The following SLC2A11 variants were observed in gnomAD, a reference collection of about 807,000 sequenced individuals.
The protein encoded by SLC2A11 is solute carrier family 2, facilitated glucose transporter member 11.
Under a neutral mutation model 52.1 loss-of-function variants are expected in SLC2A11, and 43 were observed. The observed-to-expected ratio is 0.82, with a 90% confidence interval of 0.65 to 1.06. The LOEUF (loss-of-function observed/expected upper bound fraction) is 1.06, where lower values mean the gene tolerates loss of function less well. Among genes scored for constraint, SLC2A11 ranks in the 50% least tolerant of loss-of-function variants. SLC2A11 has a pLI of 0.00. For missense variants in SLC2A11, 582 were observed against 654.2 expected (o/e 0.89, Z 1.20); for synonymous variants, 261 against 277.6 (o/e 0.94, Z 0.59).
intron 2 of SLC2A11, chr22:23,867,126 C>G (rs770792655): frequency 6.6e-6 from 1 of 152,268 alleles, no homozygotes; most frequent in Non-Finnish European, 1.5e-5. Flanking sequence ...GTGGATTCCT[C>G]GGGTATGGTA....
At chr22:23,860,733 T>TC (rs71184921) in intron 1 of SLC2A11, among the ~76,000 whole-genome samples, 112 of 124,542 alleles carry the variant, frequency 9.0e-4, no homozygotes, top group East Asian at 1.3e-3. Context: ...ACTCCGTCTC[T>TC]TTTTTTTTTT....
chr22:23,867,718 A>G (rs755019094), intron 2 of SLC2A11: 18 of 470,544 alleles, frequency 3.8e-5, no homozygotes, highest in Non-Finnish European at 6.6e-5. Flanking sequence ...GGTCTATAAA[A>G]ACTCTTGAAT....
intron 3 of SLC2A11, 192 bp downstream of exon 3, chr22:23,868,833 C>G (rs962170186): frequency 3.2e-6 from 2 of 616,260 alleles, no homozygotes; most frequent in African/African-American, 3.7e-5. Flanking sequence ...GCAAACAGTC[C>G]TGTGCTACAA....
In SLC2A11 at chr22:23,884,543, A is replaced by C. The variant is rs997925520; in HGVS notation, c.1300-106A>C. The C allele has an allele frequency of 3.2e-6, 5 of 1,548,266 alleles. No homozygotes were observed. Among genetic ancestry groups the C allele is most frequent in the Non-Finnish European group, 4.4e-6 (5 of 1,145,674 alleles). ...ACTGAGACTGAAAGGGAGGGGTCTT[A>C]GGGGAGCAAAGAGGGGGGCAAATGC... On this transcript the variant is annotated intron_variant, in intron 11 of 11. Coordinates refer to ENST00000316185, the MANE Select transcript of SLC2A11 (RefSeq NM_001024939.4). The surrounding 1 kb of genome is among the most constrained non-coding windows in gnomAD (Gnocchi z 4.3).
rs575695725 is a variant in SLC2A11 at position 23,878,529 on chromosome 22, C to T, written c.694+660C>T. ...AAGAAAGCAAATCCAGTTGCATAAG[C>T]GCTTTCCAAACCTTTGGTTCCCTCG... On this transcript the variant is annotated intron_variant, in intron 6 of 11. Coordinates refer to ENST00000316185, the MANE Select transcript of SLC2A11 (RefSeq NM_001024939.4). 4.6e-5 allele frequency among the ~76,000 whole-genome samples: 7 copies of T among 152,304 alleles called. No individual in the cohort carries two copies. The East Asian group carries it at 7.7e-4, about 17-fold the overall frequency.
chr22:23,876,481 C>T (rs1217228560), intron 4 of SLC2A11, among the ~76,000 whole-genome samples: 1 of 152,122 alleles, frequency 6.6e-6, no homozygotes, highest in African/African-American at 2.4e-5. Flanking sequence ...GGCGTGACAC[C>T]ACAACACAGT....
Position 23,877,836 on chromosome 22 carries a change from A to C in SLC2A11, c.661A>C (p.Ile221Leu). 6.2e-7 allele frequency: 1 copy of C among 1,613,534 alleles called. No individual in the cohort carries two copies. The highest frequency in any genetic ancestry group is 8.5e-7 in the Non-Finnish European group (1 of 1,179,770). ...LLPESPRYLLIDCGDTEACLA... is the reference protein window; with the variant it reads ...LLPESPRYLLLDCGDTEACLA... ...CCCTGAAAGCCCGCGCTACCTCCTC[A>C]TTGACTGTGGAGACACCGAGGCCTG... The change falls in exon 6 of 12, where the codon ATT (isoleucine) becomes CTT (leucine). Residue 221 changes from isoleucine to leucine, a missense_variant. By Grantham distance (5) the Ile-to-Leu change is conservative. Transcript: ENST00000316185.
At position 23,884,965 on chromosome 22, in the gene SLC2A11, C is replaced by G. The variant is rs1025906895; in HGVS notation, c.*116C>G. The G allele has an allele frequency of 1.2e-6, 1 of 815,604 alleles. No homozygotes were observed. The highest frequency in any genetic ancestry group is 1.7e-5 in the South Asian group (1 of 57,218). The allele number at this position is 815,604 out of a possible 1,614,324, so 50.5% of individuals were successfully genotyped here. A position where few individuals can be genotyped will look rare whatever the true frequency, so the allele number is the denominator to read the frequency against. ...CATTTAAGGAGTGTTTATTGAGCAC[C>G]CTTTGTGTGCAGACATGGCTCCAGG... On this transcript the variant is annotated 3_prime_UTR_variant, in exon 12 of 12. Transcript: ENST00000316185. This position sits in a 1 kb window ranked among gnomAD's most constrained non-coding sequence, Gnocchi z 4.3.
intron 4 of SLC2A11, among the ~76,000 whole-genome samples, chr22:23,876,649 A>T (rs529786716): frequency 1.3e-4 from 20 of 152,230 alleles, no homozygotes; most frequent in Admixed American, 9.2e-4. Flanking sequence ...AATTGACATG[A>T]GTGCTGGGAC....
upstream of SLC2A11, chr22:23,857,083 GGGGT>G: frequency 1.7e-6 from 2 of 1,192,138 alleles, no homozygotes; most frequent in Non-Finnish European, 2.4e-6. Context: ...TGGGGGGGGG[GGGGT>G]GTAGGTGGGG....
At chr22:23,867,161 G>T (rs1358112031) in intron 2 of SLC2A11, 1 of 152,668 alleles carries the variant, frequency 6.6e-6, no homozygotes, top group African/African-American at 2.4e-5. Context: ...ATAGATCTTT[G>T]TCCTTGGTTC....
At chr22:23,868,712 TG>T in intron 3 of SLC2A11, 71 bp downstream of exon 3, 1 of 1,573,118 alleles carries the variant, frequency 6.4e-7, no homozygotes, top group Non-Finnish European at 8.7e-7. Flanking sequence ...CTGAGGAATG[TG>T]GAAGAAGGAA....
At chr22:23,863,744 C>T (rs2032163166) in intron 2 of SLC2A11, among the ~76,000 whole-genome samples, 1 of 151,838 alleles carries the variant, frequency 6.6e-6, no homozygotes, top group African/African-American at 2.4e-5. Flanking sequence ...CCTCCTACCT[C>T]AGCCTCCCAA....
At position 23,877,861 on chromosome 22, in the gene SLC2A11, G is replaced by A. The variant is rs1317961061; in HGVS notation, c.686G>A (p.Cys229Tyr). The A allele has an allele frequency of 8.1e-6, 13 of 1,611,076 alleles. No homozygotes were observed. The South Asian group carries it at 1.3e-4, about 16-fold the overall frequency. The change falls in exon 6 of 12, where the codon TGC (cysteine) becomes TAC (tyrosine). Residue 229 changes from cysteine (C) to tyrosine (Y), a missense_variant. Transcript: ENST00000316185. Reference protein sequence around the residue: ...LLIDCGDTEACLAALRRLRGS... With the variant: ...LLIDCGDTEAYLAALRRLRGS... ...ATTGACTGTGGAGACACCGAGGCCTGCCTGGCAGGTGAGTCTCTGTCCTTG... is the reference window on the plus strand; with the variant it reads ...ATTGACTGTGGAGACACCGAGGCCTACCTGGCAGGTGAGTCTCTGTCCTTG...
chr22:23,878,795 T>C (rs911308401), intron 6 of SLC2A11, among the ~76,000 whole-genome samples: 1 of 152,192 alleles, frequency 6.6e-6, no homozygotes, highest in African/African-American at 2.4e-5. Flanking sequence ...TCTCATCCAA[T>C]CATGGCATCG....
At position 23,882,639 on chromosome 22, in the gene SLC2A11, A is replaced by G. The variant is rs528823344; in HGVS notation, c.875A>G (p.Asn292Ser). ...GGCAGTGCCATGGAGCTCTGCGGGA[A>G]TGACTCGGTGAGACCCCTGCCCCGC... ...VLGSAMELCG[N>S]DSVYAYASSV... Residue 292 changes from asparagine (N) to serine (S), a missense_variant, in exon 7 of 12, where the codon AAT becomes AGT. By Grantham distance (46) the Asn-to-Ser change is conservative. Transcript: ENST00000316185. The G allele has an allele frequency of 1.6e-5, 25 of 1,612,190 alleles. 1 individual carries two copies. In the East Asian group the frequency reaches 5.6e-4, roughly 36 times the overall value.
chr22:23,857,761 C>A (rs901416029), upstream of SLC2A11: 4 of 1,369,918 alleles, frequency 2.9e-6, no homozygotes, highest in South Asian at 4.4e-5. Flanking sequence ...CATCGTTTAG[C>A]GTTGCGCGAA....
At position 23,883,930 on chromosome 22, in the gene SLC2A11, C is replaced by G. The variant is rs377526725; in HGVS notation, c.1096-19C>G. ...AGGCCGGGCTGACTTCCACCTCACC[C>G]CCGCCCCGTCCACGGCAGAGCTCCT... On this transcript the variant is annotated intron_variant, in intron 9 of 11. Coordinates refer to ENST00000316185, the MANE Select transcript of SLC2A11 (RefSeq NM_001024939.4). 173 of 1,611,974 alleles carry G rather than the reference C, an allele frequency of 1.1e-4. No individual in the cohort carries two copies. Among genetic ancestry groups the G allele is most frequent in the Non-Finnish European group, 1.4e-4 (164 of 1,179,520 alleles).
chr22:23,880,971 A>G (rs1039301753), intron 6 of SLC2A11: 2 of 152,096 alleles, frequency 1.3e-5, no homozygotes, highest in African/African-American at 4.8e-5. Context: ...ACTATATAAC[A>G]TAGCTTTTCA....
Sources: gnomAD v4.1 joint callset for allele counts (sites outside exome capture counted in the v4.1 genomes callset) on GRCh38, gnomAD v4.1.1 for gene constraint, Gnocchi (gnomAD v3.1) non-coding constraint, MANE v1.5 for transcripts, NCBI Gene and HGNC (gene_info 2026-07-23, HGNC 2026-07-21) for gene names.